Variants in VPS13B observed in about 807,000 individuals in gnomAD.
VPS13B encodes intermembrane lipid transfer protein VPS13B.
Under a neutral mutation model 426.4 loss-of-function variants are expected in VPS13B, and 285 were observed. That is an observed-to-expected ratio of 0.67 (90% CI 0.61 to 0.74). The LOEUF is 0.74. Ranked by LOEUF, VPS13B falls within the 30% of genes least tolerant of loss-of-function variation. The probability of loss-of-function intolerance (pLI) is 0.00; values close to 1 mark genes in which losing one functional copy is unlikely to be tolerated. For synonymous variants in VPS13B, 1,676 were observed against 1,676.4 expected (o/e 1.00, Z 0.01); for missense variants, 4,537 against 4,782.6 (o/e 0.95, Z 1.51).
chr8:99,866,134 C>T (rs1817086093), intron 58 of VPS13B, among the ~76,000 whole-genome samples: 1 of 152,250 alleles, frequency 6.6e-6, no homozygotes, highest in South Asian at 2.1e-4. Flanking sequence ...ACCCCACGGG[C>T]CTGAGGCCAG....
At chr8:99,525,950 G>A (rs1033703050) in intron 30 of VPS13B, among the ~76,000 whole-genome samples, 3 of 152,170 alleles carry the variant, frequency 2.0e-5, no homozygotes, top group Non-Finnish European at 4.4e-5. Context: ...TGAGGAAAAC[G>A]ACATTATGGA....
At chr8:99,205,372 G>A (rs1280358755) in intron 17 of VPS13B, among the ~76,000 whole-genome samples, 6 of 152,100 alleles carry the variant, frequency 3.9e-5, no homozygotes, top group Non-Finnish European at 8.8e-5. Flanking sequence ...GGGGATAGGG[G>A]AGGGATAGCA....
chr8:99,724,010 C>T (rs565577156), intron 39 of VPS13B, among the ~76,000 whole-genome samples: 1 of 152,322 alleles, frequency 6.6e-6, no homozygotes, highest in Admixed American at 6.5e-5. Flanking sequence ...CATACTCTCC[C>T]AGATAGGAGC....
chr8:99,264,898 A>AT (rs1234756076), intron 17 of VPS13B, among the ~76,000 whole-genome samples: 1 of 150,136 alleles, frequency 6.7e-6, no homozygotes. Context: ...TGATCTTTTC[A>AT]TTTTTCTTCC....
At chr8:99,016,889 A>G (rs932586211) in intron 2 of VPS13B, among the ~76,000 whole-genome samples, 6 of 152,056 alleles carry the variant, frequency 3.9e-5, no homozygotes, top group African/African-American at 1.2e-4. Flanking sequence ...GCGCCCGGCC[A>G]GGAATTCTTT....
At position 99,772,329 on chromosome 8, in the gene VPS13B, A is replaced by AT. The variant is rs1226227337; in HGVS notation, c.7248-4439dup. ...TATGAAATAGCTGGTTACAACTGGAATTTTTTTAATAACATAAAATAAAAT... is the reference window on the plus strand; with the variant it reads ...TATGAAATAGCTGGTTACAACTGGAATTTTTTTTAATAACATAAAATAAAAT... On this transcript the variant is annotated intron_variant, in intron 40 of 61. Transcript: ENST00000357162. Among the ~76,000 whole-genome samples the AT allele has an allele frequency of 3.9e-5, 6 of 152,046 alleles. No individual in the cohort carries two copies. In the South Asian group the frequency reaches 1.0e-3, roughly 26 times the overall value.
intron 3 of VPS13B, among the ~76,000 whole-genome samples, chr8:99,073,211 G>C (rs1563521966): frequency 6.6e-6 from 1 of 152,132 alleles, no homozygotes; most frequent in Non-Finnish European, 1.5e-5. Flanking sequence ...TGGCTATTCA[G>C]AGTCTTTTGT....
chr8:99,512,977 C>T (rs1249169442), intron 29 of VPS13B, among the ~76,000 whole-genome samples: 1 of 150,706 alleles, frequency 6.6e-6, no homozygotes, highest in East Asian at 1.9e-4. Context: ...CCATTGCACT[C>T]CAGCTTGGGT....
chr8:99,531,396 A>G (rs909663714), intron 30 of VPS13B, among the ~76,000 whole-genome samples: 6 of 152,186 alleles, frequency 3.9e-5, no homozygotes, highest in Non-Finnish European at 5.9e-5. Flanking sequence ...AACAAAGTCA[A>G]TATATTTTGT....
intron 19 of VPS13B, among the ~76,000 whole-genome samples, chr8:99,378,687 A>C (rs1813631403): frequency 6.6e-6 from 1 of 152,198 alleles, no homozygotes; most frequent in Admixed American, 6.5e-5. Context: ...TTCCCGCAAC[A>C]ATACATAGCT....
intron 33 of VPS13B, among the ~76,000 whole-genome samples, chr8:99,623,845 A>G (rs1442176008): frequency 6.6e-6 from 1 of 151,944 alleles, no homozygotes; most frequent in Non-Finnish European, 1.5e-5. Flanking sequence ...CAGCTTTTTG[A>G]AAATCAGATA....
intron 35 of VPS13B, chr8:99,696,200 G>C (rs1382322040): frequency 5.6e-6 from 1 of 178,346 alleles, no homozygotes; most frequent in Non-Finnish European, 1.2e-5. Context: ...TTCACGCCGT[G>C]TCTCTGATGA....
chr8:99,740,453 A>G (rs111940438), intron 39 of VPS13B, among the ~76,000 whole-genome samples: 1 of 152,196 alleles, frequency 6.6e-6, no homozygotes, highest in Admixed American at 6.5e-5. Flanking sequence ...CCAACATTCA[A>G]ATTCAGGAAA....
intron 23 of VPS13B, among the ~76,000 whole-genome samples, chr8:99,445,629 A>G (rs1445163323): frequency 1.3e-5 from 2 of 151,644 alleles, no homozygotes; most frequent in Admixed American, 1.3e-4. Flanking sequence ...TTTTTTTAAT[A>G]TTAGAAATTA....
At chr8:99,133,867 G>GA (rs1425848490) in intron 8 of VPS13B, among the ~76,000 whole-genome samples, 1 of 152,074 alleles carries the variant, frequency 6.6e-6, no homozygotes, top group Non-Finnish European at 1.5e-5. Context: ...TAATAATAAT[G>GA]AAAAATTTTG....
intron 33 of VPS13B, among the ~76,000 whole-genome samples, chr8:99,585,464 C>G (rs1826256456): frequency 6.6e-6 from 1 of 152,118 alleles, no homozygotes; most frequent in African/African-American, 2.4e-5. Context: ...CTGAATCCAG[C>G]AACATAGAAT....
intron 30 of VPS13B, among the ~76,000 whole-genome samples, chr8:99,540,561 G>T (rs552736087): frequency 6.6e-6 from 1 of 152,036 alleles, no homozygotes; most frequent in Admixed American, 6.6e-5. Flanking sequence ...ATATGCTAAG[G>T]TGTGAAGAAT....
chr8:99,657,057 C>T (rs1167239921), intron 34 of VPS13B, among the ~76,000 whole-genome samples: 1 of 152,066 alleles, frequency 6.6e-6, no homozygotes, highest in Non-Finnish European at 1.5e-5. Flanking sequence ...GATGGATTTC[C>T]TAGACTTTTA....
At position 99,823,990 on chromosome 8, in the gene VPS13B, A is replaced by G. The variant is rs977224048; in HGVS notation, c.9330+12A>G. On this transcript the variant is annotated intron_variant, in intron 51 of 61. Coordinates refer to ENST00000357162, the MANE Select transcript of VPS13B (RefSeq NM_152564.5). The stretch of plus-strand genomic sequence containing the variant: ...ATTCTGGAAAGGAGGTAAGCAAATC[A>G]TAACGATTCTTTTGTCTAAGTTTTG... The G allele has an allele frequency of 5.0e-6, 8 of 1,610,914 alleles. No homozygotes were observed. Among genetic ancestry groups the G allele is most frequent in the African/African-American group, 2.7e-5 (2 of 75,022 alleles).
Sources: gnomAD v4.1 joint callset for allele counts (sites outside exome capture counted in the v4.1 genomes callset) on GRCh38, gnomAD v4.1.1 for gene constraint, MANE v1.5 for transcripts, NCBI Gene and HGNC (gene_info 2026-07-23, HGNC 2026-07-21) for gene names.